HNRNPUL1: variants seen among roughly 807,000 people sequenced by gnomAD.
HNRNPUL1 encodes the protein heterogeneous nuclear ribonucleoprotein U like 1.
In HNRNPUL1, 14 loss-of-function variants were observed where a neutral mutation model predicts 108.5. The ratio of observed to expected loss-of-function variants is 0.13; its 90% CI spans 0.09 to 0.20. The LOEUF (loss-of-function observed/expected upper bound fraction) is 0.20. Among genes scored for constraint, HNRNPUL1 ranks in the 10% least tolerant of loss-of-function variants. The probability of loss-of-function intolerance (pLI) is 1.00; values close to 1 mark genes in which losing one functional copy is unlikely to be tolerated. For synonymous variants in HNRNPUL1, 422 were observed against 445.2 expected (o/e 0.95, Z 0.66); for missense variants, 804 against 1,168.3 (o/e 0.69, Z 4.55).
chr19:41,278,036 GT>G (rs546131354), intron 5 of HNRNPUL1, among the ~76,000 whole-genome samples: 2 of 149,436 alleles, frequency 1.3e-5, no homozygotes, highest in Non-Finnish European at 3.0e-5. Flanking sequence ...TTTGCTCCTT[GT>G]TTTTTGTTTG....
At chr19:41,282,402 G>T (rs1008256585) in intron 7 of HNRNPUL1, among the ~76,000 whole-genome samples, 1 of 152,064 alleles carries the variant, frequency 6.6e-6, no homozygotes, top group Non-Finnish European at 1.5e-5. Context: ...GGCTGGTCTC[G>T]AACTCCCGAC....
At position 41,279,444 on chromosome 19, in the gene HNRNPUL1, T is replaced by G. The variant is rs796486607; in HGVS notation, c.886+268T>G. 5.9e-5 allele frequency among the ~76,000 whole-genome samples: 9 copies of G among 152,342 alleles called. 1 individual carries two copies. Among genetic ancestry groups the G allele is most frequent in the African/African-American group, 1.9e-4 (8 of 41,578 alleles). On this transcript the variant is annotated intron_variant, in intron 6 of 14. Transcript: ENST00000392006. ...GGGTCCAAAATTCTCTTTAGGAATC[T>G]ATTCCCTTTCTGTAAAAAGGATCAG...
chr19:41,284,622 C>A (rs1372221322), intron 7 of HNRNPUL1, among the ~76,000 whole-genome samples: 1 of 152,104 alleles, frequency 6.6e-6, no homozygotes, highest in Non-Finnish European at 1.5e-5. Flanking sequence ...CACTGCACTC[C>A]AGCCTGGATG....
intron 2 of HNRNPUL1, 45 bp downstream of exon 2, chr19:41,268,390 A>G (rs375853923): frequency 2.9e-5 from 46 of 1,597,188 alleles, no homozygotes; most frequent in African/African-American, 6.7e-5. Context: ...GAAACAATCT[A>G]CATGGAGCCT....
rs552571378 is a variant in HNRNPUL1 at position 41,306,708 on chromosome 19, C to G, written c.*143C>G. 1 of 439,176 alleles carries G rather than the reference C, an allele frequency of 2.3e-6. No homozygotes were observed. The highest frequency in any genetic ancestry group is 4.0e-6 in the Non-Finnish European group (1 of 251,700). 27.2% of individuals were successfully genotyped at this position (439,176 alleles called of 1,614,324 possible). On this transcript the variant is annotated 3_prime_UTR_variant, in exon 15 of 15. Coordinates refer to ENST00000392006, the MANE Select transcript of HNRNPUL1 (RefSeq NM_007040.6). Reference sequence around the variant, plus strand: ...CTGCCTCCCTCCAGCCCACTGCCTCCCCTCTGAGGGGCTTCCTTCCCCTCC... The same window carrying G: ...CTGCCTCCCTCCAGCCCACTGCCTCGCCTCTGAGGGGCTTCCTTCCCCTCC...
At chr19:41,300,526 C>G (rs537774833) in intron 10 of HNRNPUL1, among the ~76,000 whole-genome samples, 8 of 152,268 alleles carry the variant, frequency 5.3e-5, no homozygotes, top group African/African-American at 1.9e-4. Context: ...GAGGTTCAGG[C>G]TCAGGAAGTC....
At chr19:41,284,744 T>A (rs2036110830) in intron 7 of HNRNPUL1, among the ~76,000 whole-genome samples, 1 of 152,120 alleles carries the variant, frequency 6.6e-6, no homozygotes, top group Non-Finnish European at 1.5e-5. Context: ...ACGCCTGTAA[T>A]CCCAGCACTT....
In HNRNPUL1 at chr19:41,292,334, G is replaced by T. The variant is rs372936991; in HGVS notation, c.1089G>T (p.Leu363Phe). ...CTTTCCGAATCCAGAAGGAAGCCTT[G>T]GGGGGTCAGGCCCTCTATCCTCATG... ...GIAFRIQKEA[L>F]GGQALYPHVL... Residue 363 changes from leucine to phenylalanine, a missense_variant, in exon 8 of 15, where the codon TTG becomes TTT. This residue lies in a region of HNRNPUL1 where 174 missense variants were observed against 296.6 expected (regional missense o/e 0.59). Coordinates refer to ENST00000392006, the MANE Select transcript of HNRNPUL1 (RefSeq NM_007040.6). This position sits in a 1 kb window ranked among gnomAD's most constrained non-coding sequence, Gnocchi z 4.1. 8.7e-6 allele frequency: 14 copies of T among 1,614,086 alleles called. No homozygotes were observed. Among genetic ancestry groups the T allele is most frequent in the Admixed American group, 5.0e-5 (3 of 60,008 alleles).
At chr19:41,300,683 C>T (rs13345029) in intron 10 of HNRNPUL1, among the ~76,000 whole-genome samples, 2,570 of 152,246 alleles carry the variant, frequency 0.017, 79 homozygotes, top group African/African-American at 0.059. Flanking sequence ...AAATGGAAGC[C>T]GATGTTGTTA....
At chr19:41,282,989 C>T (rs1048371700) in intron 7 of HNRNPUL1, among the ~76,000 whole-genome samples, 12 of 152,140 alleles carry the variant, frequency 7.9e-5, no homozygotes, top group East Asian at 3.8e-4. Flanking sequence ...CCACCGCGCC[C>T]GGCCATTTTT....
intron 7 of HNRNPUL1, among the ~76,000 whole-genome samples, chr19:41,291,361 A>G (rs565981758): frequency 2.0e-5 from 3 of 152,352 alleles, no homozygotes; most frequent in African/African-American, 7.2e-5. Context: ...CAGAAAGAGT[A>G]CGAACTCAGG....
At chr19:41,271,329 C>A (rs2035225178) in intron 2 of HNRNPUL1, among the ~76,000 whole-genome samples, 1 of 152,158 alleles carries the variant, frequency 6.6e-6, no homozygotes, top group South Asian at 2.1e-4. Flanking sequence ...CATCAGGAGC[C>A]CTGTGTGAGC....
Position 41,292,642 on chromosome 19 carries a change from G to A in HNRNPUL1, c.1266+131G>A. 8.7e-7 allele frequency: 1 copy of A among 1,154,176 alleles called. No individual in the cohort carries two copies. Among genetic ancestry groups the A allele is most frequent in the East Asian group, 2.4e-5 (1 of 41,610 alleles). The allele number at this position is 1,154,176 out of a possible 1,614,324, so 71.5% of individuals were successfully genotyped here. A position where few individuals can be genotyped will look rare whatever the true frequency, so the allele number is the denominator to read the frequency against. The stretch of plus-strand genomic sequence containing the variant: ...TGGCCACTTTGTCCCAGCTCCTCAG[G>A]GTTGGACTCAGAGCTGAAAAGCTGC... On this transcript the variant is annotated intron_variant, in intron 8 of 14. Transcript: ENST00000392006. The surrounding 1 kb of genome is among the most constrained non-coding windows in gnomAD (Gnocchi z 4.1).
At chr19:41,275,858 T>C (rs980253258) in intron 4 of HNRNPUL1, among the ~76,000 whole-genome samples, 1 of 152,020 alleles carries the variant, frequency 6.6e-6, no homozygotes, top group African/African-American at 2.4e-5. Context: ...ATCCCAGCAG[T>C]TTGGGAGGCC....
chr19:41,296,125 C>T (rs1159253614), intron 10 of HNRNPUL1, among the ~76,000 whole-genome samples: 1 of 152,206 alleles, frequency 6.6e-6, no homozygotes, highest in Non-Finnish European at 1.5e-5. Context: ...AGCCAGTATT[C>T]CTCCCTGTCT....
chr19:41,289,138 A>G (rs1312217981), intron 7 of HNRNPUL1, among the ~76,000 whole-genome samples: 1 of 152,088 alleles, frequency 6.6e-6, no homozygotes, highest in Non-Finnish European at 1.5e-5. Context: ...GGTATGTGGC[A>G]GTATGGAACT....
chr19:41,273,907 C>A, intron 3 of HNRNPUL1, 75 bp from the exon 4 acceptor site: 1 of 1,223,766 alleles, frequency 8.2e-7, no homozygotes, highest in Non-Finnish European at 1.2e-6. Context: ...TCATAGATTA[C>A]AGCAGAACAT....
intron 2 of HNRNPUL1, among the ~76,000 whole-genome samples, chr19:41,270,800 T>C (rs927903915): frequency 1.3e-5 from 2 of 152,104 alleles, no homozygotes; most frequent in East Asian, 3.8e-4. Flanking sequence ...TTTCACCATG[T>C]TGGCCAGGAT....
chr19:41,276,045 G>T, intron 4 of HNRNPUL1, 114 bp from the exon 5 acceptor site: 1 of 1,378,440 alleles, frequency 7.3e-7, no homozygotes, highest in Non-Finnish European at 1.0e-6. Context: ...GGAGGTTGCG[G>T]TGAGCCAAGA....
Sources: gnomAD v4.1 joint callset for allele counts (sites outside exome capture counted in the v4.1 genomes callset) on GRCh38, gnomAD v4.1.1 for gene constraint, gnomAD v4.1.1 regional missense constraint, Gnocchi (gnomAD v3.1) non-coding constraint, MANE v1.5 for transcripts, NCBI Gene and HGNC (gene_info 2026-07-23, HGNC 2026-07-21) for gene names.